Variants in CA10 observed in about 807,000 individuals in gnomAD.
CA10 encodes the protein carbonic anhydrase 10 (inactive), also known as carbonic anhydrase-related protein 10.
In CA10, 14 loss-of-function variants were observed where a neutral mutation model predicts 44.2. The ratio of observed to expected loss-of-function variants is 0.32; its 90% CI spans 0.21 to 0.50. CA10 has a LOEUF of 0.50. Ranked by LOEUF, CA10 falls within the 20% of genes least tolerant of loss-of-function variation. CA10 has a pLI of 0.99. For missense variants in CA10, 350 were observed against 409.7 expected, an observed-to-expected ratio of 0.85 and a Z score of 1.26; for synonymous variants, 159 against 141.6, an observed-to-expected ratio of 1.12 and a Z score of -0.87.
chr17:51,961,684 C>T (rs923980772), intron 2 of CA10, among the ~76,000 whole-genome samples: 6 of 152,120 alleles, frequency 3.9e-5, no homozygotes, highest in Non-Finnish European at 8.8e-5. Flanking sequence ...TCTATTCCCC[C>T]ACATTTGACA....
At chr17:51,862,054 C>A (rs567028364) in intron 3 of CA10, among the ~76,000 whole-genome samples, 2 of 152,290 alleles carry the variant, frequency 1.3e-5, no homozygotes, top group South Asian at 2.1e-4. Context: ...CAGATAGAAC[C>A]AGATACAACA....
chr17:52,019,278 T>C (rs1986063550), intron 2 of CA10, among the ~76,000 whole-genome samples: 1 of 152,192 alleles, frequency 6.6e-6, no homozygotes, highest in Non-Finnish European at 1.5e-5. Context: ...ATTGCCATTA[T>C]TCTCTTTAAT....
intron 4 of CA10, among the ~76,000 whole-genome samples, chr17:51,733,006 T>C (rs1299330199): frequency 2.0e-5 from 3 of 152,148 alleles, no homozygotes; most frequent in Non-Finnish European, 4.4e-5. Flanking sequence ...TTCTATGACA[T>C]ATCCCAAAGG....
At chr17:52,132,413 C>T (rs1479863596) in intron 1 of CA10, among the ~76,000 whole-genome samples, 1 of 152,126 alleles carries the variant, frequency 6.6e-6, no homozygotes, top group Non-Finnish European at 1.5e-5. Flanking sequence ...AAACTGGAAT[C>T]CCAGTGCCAC....
chr17:51,943,672 G>A (rs1983168583), intron 2 of CA10, among the ~76,000 whole-genome samples: 1 of 152,142 alleles, frequency 6.6e-6, no homozygotes, highest in Admixed American at 6.5e-5. Flanking sequence ...CAGAGACTCT[G>A]ATTAAATAAG....
chr17:51,631,338 G>T lies in CA10; in HGVS notation c.*246C>A. 1 of 540,634 alleles carries T rather than the reference G, an allele frequency of 1.8e-6. No individual in the cohort carries two copies. Among genetic ancestry groups the T allele is most frequent in the South Asian group, 2.4e-5 (1 of 41,776 alleles). 33.5% of individuals were successfully genotyped at this position (540,634 alleles called of 1,614,324 possible). On this transcript the variant is annotated 3_prime_UTR_variant, in exon 9 of 9. Coordinates refer to ENST00000451037, the MANE Select transcript of CA10 (RefSeq NM_020178.5). Reference sequence around the variant, plus strand: ...GGAGGTTGTAAGAGTGTGTGTGTGTGTAGGTATGTTTGCATGTGTTTGTAT... The same window carrying T: ...GGAGGTTGTAAGAGTGTGTGTGTGTTTAGGTATGTTTGCATGTGTTTGTAT...
intron 3 of CA10, among the ~76,000 whole-genome samples, chr17:51,770,128 T>A (rs923603955): frequency 6.6e-6 from 1 of 151,970 alleles, no homozygotes; most frequent in African/African-American, 2.4e-5. Flanking sequence ...TGTAGTTTTT[T>A]TTTTTTCCCT....
At chr17:51,902,483 T>A (rs553305081) in intron 3 of CA10, among the ~76,000 whole-genome samples, 195 of 152,230 alleles carry the variant, frequency 1.3e-3, no homozygotes, top group Middle Eastern at 6.8e-3. Flanking sequence ...TCAATGCCCA[T>A]GTTACAGAAA....
intron 2 of CA10, among the ~76,000 whole-genome samples, chr17:52,015,746 G>T (rs1806589936): frequency 6.6e-6 from 1 of 152,096 alleles, no homozygotes; most frequent in Admixed American, 6.6e-5. Flanking sequence ...TGCAAAATTT[G>T]CATATAATTT....
chr17:52,151,993 G>T (rs1366965968), intron 1 of CA10, among the ~76,000 whole-genome samples: 1 of 152,006 alleles, frequency 6.6e-6, no homozygotes, highest in Non-Finnish European at 1.5e-5. Flanking sequence ...TTTTACAAAT[G>T]GTGTTTTTTT....
At chr17:51,881,047 C>A (rs956696373) in intron 3 of CA10, among the ~76,000 whole-genome samples, 2 of 151,712 alleles carry the variant, frequency 1.3e-5, no homozygotes, top group African/African-American at 4.8e-5. Flanking sequence ...ACCATCCTGG[C>A]TAATACGGTG....
intron 4 of CA10, among the ~76,000 whole-genome samples, chr17:51,744,028 A>C (rs1410441671): frequency 2.6e-5 from 4 of 152,198 alleles, no homozygotes; most frequent in African/African-American, 9.6e-5. Context: ...AATTTCTATA[A>C]GAAAATCATG....
chr17:52,108,213 TATATATATATATAA>T, intron 1 of CA10, among the ~76,000 whole-genome samples: 1 of 107,994 alleles, frequency 9.3e-6, no homozygotes, highest in East Asian at 3.6e-4. Flanking sequence ...TATATATATA[TATATATATATATAA>T]TATGTATATG....
At position 51,920,846 on chromosome 17, in the gene CA10, C is replaced by T. The variant is rs1429433239; in HGVS notation, c.279+10144G>A. Among the ~76,000 whole-genome samples, 3 of 152,266 alleles carry T rather than the reference C, an allele frequency of 2.0e-5. No homozygotes were observed. In the East Asian group the frequency reaches 5.8e-4, roughly 29 times the overall value. ...TGCTATGCACTGAAATCTTCCGCTCCCTGCAAAAAGCTCTGCTCTGAGTAT... is the reference window on the plus strand; with the variant it reads ...TGCTATGCACTGAAATCTTCCGCTCTCTGCAAAAAGCTCTGCTCTGAGTAT... On this transcript the variant is annotated intron_variant, in intron 3 of 8. Coordinates refer to ENST00000451037, the MANE Select transcript of CA10 (RefSeq NM_020178.5).
chr17:52,149,674 AG>A (rs1321619731), intron 1 of CA10, among the ~76,000 whole-genome samples: 4 of 152,254 alleles, frequency 2.6e-5, no homozygotes, highest in African/African-American at 9.6e-5. Flanking sequence ...CATGGTCAAC[AG>A]GGTCCTGGCT....
intron 6 of CA10, among the ~76,000 whole-genome samples, chr17:51,640,674 C>A: frequency 6.6e-6 from 1 of 152,100 alleles, no homozygotes; most frequent in Non-Finnish European, 1.5e-5. Flanking sequence ...AGCAGAGGGA[C>A]CCAAGAAAAG....
intron 4 of CA10, among the ~76,000 whole-genome samples, chr17:51,715,307 G>A (rs1375681897): frequency 2.6e-5 from 4 of 151,688 alleles, no homozygotes; most frequent in South Asian, 2.1e-4. Flanking sequence ...CATGGCACAC[G>A]TATACATATG....
chr17:52,124,750 T>C (rs1424003873), intron 1 of CA10, among the ~76,000 whole-genome samples: 1 of 152,140 alleles, frequency 6.6e-6, no homozygotes, highest in Non-Finnish European at 1.5e-5. Flanking sequence ...TCCCACCTTG[T>C]TCACCTAGCA....
intron 3 of CA10, among the ~76,000 whole-genome samples, chr17:51,830,645 G>T (rs996131612): frequency 6.6e-6 from 1 of 152,144 alleles, no homozygotes; most frequent in Non-Finnish European, 1.5e-5. Flanking sequence ...TAGAAAGCTG[G>T]CATTTCTGCT....
Sources: allele counts gnomAD v4.1 joint callset (sites outside exome capture counted in the v4.1 genomes callset), GRCh38; gene constraint gnomAD v4.1.1; transcripts MANE v1.5; gene names NCBI Gene and HGNC (gene_info 2026-07-23, HGNC 2026-07-21).